Variants in TRPM1 observed in about 807,000 individuals in gnomAD.
TRPM1 encodes the protein transient receptor potential cation channel subfamily M member 1.
Under a neutral mutation model 149.4 loss-of-function variants are expected in TRPM1, and 113 were observed. That is an observed-to-expected ratio of 0.76 (90% confidence interval 0.65 to 0.88). The LOEUF (loss-of-function observed/expected upper bound fraction) is 0.88. Ranked by LOEUF, TRPM1 falls within the 40% of genes least tolerant of loss-of-function variation. The pLI is 0.00. For synonymous variants in TRPM1, 741 were observed against 759.5 expected (o/e 0.98, Z 0.40); for missense variants, 1,976 against 2,038.7 (o/e 0.97, Z 0.59).
intron 1 of TRPM1, among the ~76,000 whole-genome samples, 182 bp from the exon 2 acceptor site, chr15:31,081,620 C>T (rs2034860947): frequency 6.6e-6 from 1 of 152,072 alleles, no homozygotes; most frequent in South Asian, 2.1e-4. Context: ...AAACCTTCTC[C>T]CCCACCTCCT....
intron 2 of TRPM1, among the ~76,000 whole-genome samples, chr15:31,080,587 G>T (rs1015384924): frequency 6.6e-6 from 1 of 151,948 alleles, no homozygotes; most frequent in Admixed American, 6.6e-5. Flanking sequence ...CTGGACACAA[G>T]ATCTGGCACT....
intron 1 of TRPM1, among the ~76,000 whole-genome samples, chr15:31,091,480 G>A (rs1360725856): frequency 5.9e-5 from 9 of 152,192 alleles, no homozygotes; most frequent in Middle Eastern, 3.2e-3. Flanking sequence ...AGCTGCAGTC[G>A]GCTCTGAGGG....
At chr15:31,085,370 C>T (rs12441329) in intron 1 of TRPM1, among the ~76,000 whole-genome samples, 36,334 of 152,096 alleles carry the variant, frequency 0.24, 4,635 homozygotes, top group South Asian at 0.34. Context: ...GCTGCAATTG[C>T]AAATAATGGA....
At position 31,043,187 on chromosome 15, in the gene TRPM1, A is replaced by ATTTGT. The variant is rs532871629; in HGVS notation, c.1795-949_1795-945dup. On this transcript the variant is annotated intron_variant, in intron 16 of 27. Transcript: ENST00000256552. The stretch of plus-strand genomic sequence containing the variant: ...TCTCAGGTTGTTCACTACTGACCCA[A>ATTTGT]TTTGTTTTGTTTTGTTTTGTTTTTG... Among the ~76,000 whole-genome samples the ATTTGT allele has an allele frequency of 1.5e-3, 235 of 151,990 alleles. 2 individuals carry two copies. Among genetic ancestry groups the ATTTGT allele is most frequent in the African/African-American group, 5.2e-3 (215 of 41,464 alleles).
chr15:31,069,510 A>T, intron 4 of TRPM1: 2 of 1,115,264 alleles, frequency 1.8e-6, no homozygotes, highest in Admixed American at 4.4e-5. Flanking sequence ...GGAACGGATC[A>T]CAGAGCTGAA....
At chr15:31,108,043 A>T (rs11630011) in intron 1 of TRPM1, among the ~76,000 whole-genome samples, 10 of 151,788 alleles carry the variant, frequency 6.6e-5, no homozygotes, top group Middle Eastern at 3.4e-3. Flanking sequence ...TTTTTAGTAG[A>T]GATGGGGTTT....
At chr15:31,130,753 C>G (rs1395172675) in intron 1 of TRPM1, among the ~76,000 whole-genome samples, 1 of 152,160 alleles carries the variant, frequency 6.6e-6, no homozygotes, top group Non-Finnish European at 1.5e-5. Flanking sequence ...CTTTGCCCCT[C>G]TATGATTTCA....
intron 23 of TRPM1, among the ~76,000 whole-genome samples, chr15:31,029,962 G>A (rs2032992038): frequency 6.6e-6 from 1 of 152,084 alleles, no homozygotes; most frequent in African/African-American, 2.4e-5. Context: ...TAACGTGTAT[G>A]TATATCTACC....
chr15:31,129,976 T>A (rs1394344587), intron 1 of TRPM1, among the ~76,000 whole-genome samples: 2 of 152,334 alleles, frequency 1.3e-5, no homozygotes, highest in East Asian at 3.9e-4. Context: ...AACCAAAGCA[T>A]CCACTTCCTC....
intron 1 of TRPM1, among the ~76,000 whole-genome samples, chr15:31,107,399 T>C (rs959747701): frequency 2.0e-5 from 3 of 152,232 alleles, no homozygotes; most frequent in African/African-American, 7.2e-5. Flanking sequence ...AGAAAATCAT[T>C]AGTGATGCCC....
chr15:31,113,520 G>T (rs561049198), intron 1 of TRPM1, among the ~76,000 whole-genome samples: 1 of 151,542 alleles, frequency 6.6e-6, no homozygotes, highest in Admixed American at 6.6e-5. Context: ...TTTCCAAACT[G>T]TCAAAAAACA....
intron 1 of TRPM1, among the ~76,000 whole-genome samples, chr15:31,101,043 C>T (rs533844768): frequency 1.6e-4 from 24 of 152,314 alleles, no homozygotes; most frequent in Non-Finnish European, 2.5e-4. Flanking sequence ...GATCCTGTTC[C>T]GTGTAACCAA....
At chr15:31,036,786 T>A (rs1456972364) in intron 20 of TRPM1, among the ~76,000 whole-genome samples, 1 of 152,174 alleles carries the variant, frequency 6.6e-6, no homozygotes, top group Non-Finnish European at 1.5e-5. Context: ...GACTGTATCA[T>A]CAATCTTGGC....
intron 1 of TRPM1, among the ~76,000 whole-genome samples, chr15:31,157,456 A>G (rs2036392221): frequency 6.6e-6 from 1 of 152,324 alleles, no homozygotes; most frequent in South Asian, 2.1e-4. Context: ...AGATGGGTAC[A>G]ATTGCTGGGC....
At chr15:31,102,069 G>T (rs2035528357), upstream of TRPM1, among the ~76,000 whole-genome samples, 1 of 152,234 alleles carries the variant, frequency 6.6e-6, no homozygotes, top group Non-Finnish European at 1.5e-5. Flanking sequence ...CCCCTCATCA[G>T]CTGGGCAGTG....
chr15:31,093,164 G>A (rs2035285580), intron 1 of TRPM1, among the ~76,000 whole-genome samples: 1 of 150,400 alleles, frequency 6.6e-6, no homozygotes, highest in Non-Finnish European at 1.5e-5. Flanking sequence ...AGGAGGCTGA[G>A]GCAGGAGAAT....
rs567900862 is a variant in TRPM1, at chr15:31,161,138, G to C, written c.-179C>G. On this transcript the variant is annotated 5_prime_UTR_variant, in exon 1 of 27. Transcript: ENST00000542188. ...CCGAGATCCTGGGGCGAGGCCGGCC[G>C]GAGGCTGGTTCAGCCTAGGAGGAGC... The C allele has an allele frequency of 2.7e-3, 1,724 of 628,998 alleles. 4 individuals are homozygous for C. Among genetic ancestry groups the C allele is most frequent in the Non-Finnish European group, 4.1e-3 (1,482 of 360,814 alleles). 39.0% of individuals were successfully genotyped at this position (628,998 alleles called of 1,614,324 possible).
rs537380647 is a variant in TRPM1 at position 31,149,695 on chromosome 15, AT to A, written c.54+11210del. Among the ~76,000 whole-genome samples, 745 of 151,976 alleles carry A rather than the reference AT, an allele frequency of 4.9e-3. 4 individuals carry two copies. The highest frequency in any genetic ancestry group is 8.5e-3 in the Non-Finnish European group (577 of 67,966). On this transcript the variant is annotated intron_variant, in intron 1 of 26. Coordinates refer to the TRPM1 transcript ENST00000542188. Reference sequence around the variant, plus strand: ...CCACCGCGCCTGGCTAATTTTTTGTATTTTTAGTAGAGACGGGGTTTCACCG... The same window carrying A: ...CCACCGCGCCTGGCTAATTTTTTGTATTTTAGTAGAGACGGGGTTTCACCG...
intron 11 of TRPM1, among the ~76,000 whole-genome samples, chr15:31,057,084 G>A (rs2034105046): frequency 6.6e-6 from 1 of 152,226 alleles, no homozygotes; most frequent in Admixed American, 6.5e-5. Context: ...GTCTGATGTA[G>A]ACAACTGTAC....
Sources: allele counts gnomAD v4.1 joint callset (sites outside exome capture counted in the v4.1 genomes callset), GRCh38; gene constraint gnomAD v4.1.1; transcripts MANE v1.5; gene names NCBI Gene and HGNC (gene_info 2026-07-23, HGNC 2026-07-21).